The following PCDH11X variants were observed in gnomAD, a reference collection of about 807,000 sequenced individuals.
PCDH11X encodes the protein protocadherin-11 X-linked.
Under a neutral mutation model 53.3 loss-of-function variants are expected in PCDH11X, and 18 were observed. The observed-to-expected ratio is 0.34, with a 90% CI of 0.23 to 0.50. The LOEUF (loss-of-function observed/expected upper bound fraction) is 0.50, where lower values mean the gene tolerates loss of function less well. PCDH11X is among the 20% of genes least tolerant of loss of function. The pLI is 0.98. For synonymous variants in PCDH11X, 279 were observed against 393.3 expected, an observed-to-expected ratio of 0.71 and a Z score of 3.44; for missense variants, 570 against 1,032.4, an observed-to-expected ratio of 0.55 and a Z score of 6.14.
chrX:91,912,891 C>T (rs1048512693), intron 6 of PCDH11X, among the ~76,000 whole-genome samples: 13 of 111,891 alleles, frequency 1.2e-4, no homozygotes, highest in Non-Finnish European at 1.9e-4. Context: ...TGTGAGAGGG[C>T]GAAAGGAAAA....
intron 6 of PCDH11X, among the ~76,000 whole-genome samples, chrX:92,141,494 G>A (rs2065177799): frequency 1.8e-5 from 2 of 111,901 alleles, no homozygotes; most frequent in Admixed American, 9.5e-5. Context: ...AAAAAGTGAT[G>A]CTATAGATTA....
rs749931085 is a variant in PCDH11X, at chrX:92,568,106, C to A, written c.3368-50158C>A. On this transcript the variant is annotated intron_variant, in intron 10 of 10. Transcript: ENST00000682573. ...TATTTCAGAGCAAATGTACTGAAATCTTCCATCCTCAATACACTACAAAAA... is the reference window on the plus strand; with the variant it reads ...TATTTCAGAGCAAATGTACTGAAATATTCCATCCTCAATACACTACAAAAA... Among the ~76,000 whole-genome samples, 3 of 108,744 alleles carry A rather than the reference C, an allele frequency of 2.8e-5. No homozygotes were observed. In the South Asian group the frequency reaches 1.2e-3, roughly 44 times the overall value. 94.4% of individuals were successfully genotyped at this position (108,744 alleles called of 115,157 possible).
chrX:91,923,982 A>G (rs1165590885), intron 6 of PCDH11X, among the ~76,000 whole-genome samples: 1 of 109,043 alleles, frequency 9.2e-6, no homozygotes, highest in Non-Finnish European at 1.9e-5. Flanking sequence ...GGATCACACA[A>G]TATTCCCGTG....
chrX:91,792,310 G>T (rs5984817), intron 1 of PCDH11X, among the ~76,000 whole-genome samples: 3 of 110,645 alleles, frequency 2.7e-5, no homozygotes, highest in African/African-American at 9.9e-5. Context: ...ATATTAGAAT[G>T]GTTCAAAATA....
At chrX:91,997,768 A>G (rs2147954781) in intron 6 of PCDH11X, among the ~76,000 whole-genome samples, 1 of 111,288 alleles carries the variant, frequency 9.0e-6, no homozygotes, top group South Asian at 3.8e-4. Context: ...TTCAGTTTTT[A>G]AAAGAGTTTG....
At chrX:92,114,133 C>T (rs1033822527) in intron 6 of PCDH11X, 6 of 1,176,385 alleles carry the variant, frequency 5.1e-6, no homozygotes, top group East Asian at 6.0e-5. Flanking sequence ...AGCCAATTCT[C>T]GAGTGGGTGC....
chrX:91,962,568 C>A (rs908176425), intron 6 of PCDH11X, among the ~76,000 whole-genome samples: 1 of 111,482 alleles, frequency 9.0e-6, no homozygotes, highest in African/African-American at 3.3e-5. Flanking sequence ...GTGCATGATG[C>A]AAGCTGTCAG....
At chrX:92,159,916 G>A (rs2065608979) in intron 6 of PCDH11X, among the ~76,000 whole-genome samples, 1 of 57,762 alleles carries the variant, frequency 1.7e-5, no homozygotes, top group Non-Finnish European at 3.1e-5. Context: ...TGAATCTCCT[G>A]TTTTCAAAAA....
chrX:91,793,598 C>A (rs1935633306), intron 1 of PCDH11X, among the ~76,000 whole-genome samples: 1 of 111,462 alleles, frequency 9.0e-6, no homozygotes, highest in Admixed American at 9.6e-5. Context: ...GGATTTGGTT[C>A]TATTTTCAAA....
chrX:92,296,929 TA>T (rs1319930880), intron 8 of PCDH11X, among the ~76,000 whole-genome samples: 1 of 76,838 alleles, frequency 1.3e-5, no homozygotes, highest in Non-Finnish European at 2.5e-5. Flanking sequence ...TTTTTAATAA[TA>T]GACATTCTGA....
chrX:91,835,753 G>T lies in PCDH11X; in HGVS notation c.249G>T (p.Glu83Asp), dbSNP rs1470114659. 9 of 1,209,576 alleles carry T rather than the reference G, an allele frequency of 7.4e-6. No homozygotes were observed. In the African/African-American group the frequency reaches 1.6e-4, roughly 21 times the overall value. Residue 83 changes from glutamate (E) to aspartate (D), a missense_variant, in exon 5 of 11, where the codon GAG becomes GAT. Physicochemically the swap from Glu to Asp is conservative, Grantham distance 45. Coordinates refer to ENST00000682573, the MANE Select transcript of PCDH11X (RefSeq NM_032968.5). ...TTCGAATTGAAGAGGATACTGGTGA[G>T]ATCTTCACTACTGGCGCTCGCATTG... Reference protein sequence around the residue: ...PLIRIEEDTGEIFTTGARIDR... With the variant: ...PLIRIEEDTGDIFTTGARIDR...
intron 8 of PCDH11X, among the ~76,000 whole-genome samples, chrX:92,358,715 A>G (rs1309143748): frequency 1.9e-5 from 2 of 102,617 alleles, no homozygotes; most frequent in Admixed American, 1.1e-4. Context: ...GCTCACAGAT[A>G]GAGACAAAAA....
intron 8 of PCDH11X, among the ~76,000 whole-genome samples, chrX:92,381,903 T>C (rs1335093215): frequency 4.5e-5 from 5 of 110,860 alleles, no homozygotes; most frequent in African/African-American, 1.6e-4. Flanking sequence ...AATAAAATGA[T>C]TATTTGGATC....
At chrX:92,487,092 G>A (rs1426157495) in intron 10 of PCDH11X, among the ~76,000 whole-genome samples, 3 of 72,440 alleles carry the variant, frequency 4.1e-5, no homozygotes, top group East Asian at 5.3e-4. Context: ...TCACTCTGTC[G>A]TCCAGGCTAC....
chrX:92,201,623 A>G (rs1459694868), intron 7 of PCDH11X, among the ~76,000 whole-genome samples, 168 bp downstream of exon 7: 2 of 111,852 alleles, frequency 1.8e-5, no homozygotes, highest in African/African-American at 6.5e-5. Context: ...CAGTAAATAG[A>G]TATCTTTTTA....
intron 8 of PCDH11X, among the ~76,000 whole-genome samples, chrX:92,292,511 G>A (rs1002748016): frequency 1.8e-5 from 2 of 111,942 alleles, no homozygotes; most frequent in Non-Finnish European, 3.8e-5. Context: ...TAGGTATATA[G>A]AGGGTGATTT....
chrX:92,274,329 A>C (rs1250163220), intron 8 of PCDH11X, among the ~76,000 whole-genome samples: 1 of 107,918 alleles, frequency 9.3e-6, no homozygotes, highest in African/African-American at 3.6e-5. Flanking sequence ...ACGGTAAGGG[A>C]TATAATGGTT....
intron 10 of PCDH11X, among the ~76,000 whole-genome samples, chrX:92,573,591 C>A (rs1350144099): frequency 4.6e-5 from 5 of 109,725 alleles, no homozygotes; most frequent in Non-Finnish European, 7.6e-5. Context: ...CTATTTTAAC[C>A]AAAAATCTTT....
chrX:91,923,931 C>A lies in PCDH11X; in HGVS notation c.3033+44658C>A, dbSNP rs138348333. Among the ~76,000 whole-genome samples, 456 of 109,979 alleles carry A rather than the reference C, an allele frequency of 4.1e-3. 5 individuals carry two copies. The highest frequency in any genetic ancestry group is 0.014 in the African/African-American group (420 of 30,278). On this transcript the variant is annotated intron_variant, in intron 6 of 10. Coordinates refer to ENST00000682573, the MANE Select transcript of PCDH11X (RefSeq NM_032968.5). ...GAAAAACTACCAATTGAGTACTATG[C>A]TCACTAGCTGGGTGAGGGATCATTC...
Sources: gnomAD v4.1 joint callset for allele counts (sites outside exome capture counted in the v4.1 genomes callset) on GRCh38, gnomAD v4.1.1 for gene constraint, MANE v1.5 for transcripts, NCBI Gene and HGNC (gene_info 2026-07-23, HGNC 2026-07-21) for gene names.